The following SARS1 variants were observed in gnomAD, a reference collection of about 807,000 sequenced individuals.
SARS1 encodes seryl-tRNA synthetase 1.
SARS1 carries 25 observed loss-of-function variants against 63.7 expected under a neutral mutation model. The observed-to-expected ratio is 0.39, with a 90% CI of 0.29 to 0.55. SARS1 has a LOEUF of 0.55. Among genes scored for constraint, SARS1 ranks in the 20% least tolerant of loss-of-function variants. The probability of loss-of-function intolerance (pLI) is 0.62; values close to 1 mark genes in which losing one functional copy is unlikely to be tolerated. For missense variants in SARS1, 417 were observed against 649.7 expected, an observed-to-expected ratio of 0.64 and a Z score of 3.89; for synonymous variants, 231 against 243.5, an observed-to-expected ratio of 0.95 and a Z score of 0.48.
intron 1 of SARS1, among the ~76,000 whole-genome samples, chr1:109,218,507 C>G (rs375993324): frequency 1.3e-5 from 2 of 150,250 alleles, no homozygotes; most frequent in South Asian, 2.1e-4. Context: ...TTCAAATGCT[C>G]ATAGTCACAT....
At position 109,216,046 on chromosome 1, in the gene SARS1, A is replaced by C. The variant is rs950570052; in HGVS notation, c.136+1918A>C. The C allele has an allele frequency of 3.1e-5, 31 of 985,190 alleles. No individual in the cohort carries two copies. The African/African-American group carries it at 5.1e-4, about 16-fold the overall frequency. The allele number at this position is 985,190 out of a possible 1,614,324, so 61.0% of individuals were successfully genotyped here. A position where few individuals can be genotyped will look rare whatever the true frequency, so the allele number is the denominator to read the frequency against. On this transcript the variant is annotated intron_variant, in intron 1 of 10. Transcript: ENST00000234677. ...GCATCTATTAATTTGATTCTTTTCT[A>C]TTTGACAACCCTTTCCAATATTCTC...
In SARS1 at chr1:109,214,943, T is replaced by TG. The variant is rs1303810996; in HGVS notation, c.136+817dup. ...CCCATAAATCTCTGCCTGTATTAAC[T>TG]GGAGTGGTCGCTGGTTGGGCGGATG... is the stretch of plus-strand genomic sequence containing the variant. On this transcript the variant is annotated intron_variant, in intron 1 of 10. Transcript: ENST00000234677. This position sits in a 1 kb window ranked among gnomAD's most constrained non-coding sequence, Gnocchi z 4.6. 5 of 985,354 alleles carry TG rather than the reference T, an allele frequency of 5.1e-6. No individual in the cohort carries two copies. The highest frequency in any genetic ancestry group is 6.0e-6 in the Non-Finnish European group (5 of 829,950). 61.0% of individuals were successfully genotyped at this position (985,354 alleles called of 1,614,324 possible).
chr1:109,213,989 G>A lies in SARS1; in HGVS notation c.-4G>A. ...CCCTGAGCGTTGGCCCGGGAGGAAA[G>A]AAGATGGTGCTGGATCTGGATTTGT... On this transcript the variant is annotated 5_prime_UTR_variant, in exon 1 of 11. Coordinates refer to ENST00000234677, the MANE Select transcript of SARS1 (RefSeq NM_006513.4). 1 of 1,609,158 alleles carries A rather than the reference G, an allele frequency of 6.2e-7. No individual in the cohort carries two copies. The highest frequency in any genetic ancestry group is 8.5e-7 in the Non-Finnish European group (1 of 1,177,594).
intron 1 of SARS1, among the ~76,000 whole-genome samples, chr1:109,218,835 C>T (rs1034350108): frequency 6.6e-6 from 1 of 152,130 alleles, no homozygotes; most frequent in South Asian, 2.1e-4. Flanking sequence ...AAATCTCTTA[C>T]AGCATTTATA....
intron 2 of SARS1, among the ~76,000 whole-genome samples, chr1:109,225,143 C>T (rs371487292): frequency 6.6e-6 from 1 of 152,070 alleles, no homozygotes; most frequent in South Asian, 2.1e-4. Flanking sequence ...ATGCACTTTA[C>T]AATCTAGATA....
intron 1 of SARS1, among the ~76,000 whole-genome samples, chr1:109,219,715 A>G (rs549961524): frequency 1.8e-4 from 28 of 152,098 alleles, no homozygotes; most frequent in East Asian, 7.7e-4. Context: ...GGGTTTCACC[A>G]TGTTAGCCAG....
In SARS1 at chr1:109,237,383, C is replaced by G; in HGVS notation, c.1387+10C>G. ...GAGTTCATGCCGCCAGGTAAAACTC[C>G]CAGCTCATCTCATCGTTCTCCTCTT... On this transcript the variant is annotated intron_variant, in intron 10 of 10. Coordinates refer to ENST00000234677, the MANE Select transcript of SARS1 (RefSeq NM_006513.4). The surrounding 1 kb of genome is among the most constrained non-coding windows in gnomAD (Gnocchi z 4.1). The G allele has an allele frequency of 6.2e-7, 1 of 1,614,196 alleles. No individual in the cohort carries two copies. The highest frequency in any genetic ancestry group is 2.2e-5 in the East Asian group (1 of 44,878).
intron 1 of SARS1, among the ~76,000 whole-genome samples, chr1:109,221,036 C>A (rs1360224292): frequency 1.3e-5 from 2 of 150,880 alleles, no homozygotes; most frequent in Non-Finnish European, 2.9e-5. Context: ...ACAGAAAAAC[C>A]CATAGCTAAT....
Position 109,237,731 on chromosome 1 carries a change from G to T in SARS1, c.1388G>T (p.Gly463Val), listed in dbSNP as rs1655344463. The T allele has an allele frequency of 1.2e-6, 2 of 1,613,966 alleles. No homozygotes were observed. Among genetic ancestry groups the T allele is most frequent in the African/African-American group, 1.3e-5 (1 of 74,982 alleles). The change falls in exon 11 of 11, where the codon GGA becomes GTA. Residue 463 changes from glycine (G) to valine (V), a missense_variant and splice_region_variant. Around this residue, in one of 3 missense-constraint regions of SARS1, gnomAD observed 43 missense variants for 68.1 expected, o/e 0.63. Coordinates refer to ENST00000234677, the MANE Select transcript of SARS1 (RefSeq NM_006513.4). This position sits in a 1 kb window ranked among gnomAD's most constrained non-coding sequence, Gnocchi z 4.1. ...PEKLKEFMPP[G>V]LQELIPFVKP... is the part of the protein sequence containing the mutation. ...CATTTGGTTGGCTCTTCCCTCCCAG[G>T]ACTGCAAGAACTGATCCCCTTTGTG...
At chr1:109,224,681 A>C (rs1048452447) in intron 2 of SARS1, among the ~76,000 whole-genome samples, 5 of 152,206 alleles carry the variant, frequency 3.3e-5, no homozygotes, top group African/African-American at 1.2e-4. Flanking sequence ...CATCCAAAAA[A>C]AAAATCCTTC....
chr1:109,217,071 C>T, intron 1 of SARS1: 1 of 985,408 alleles, frequency 1.0e-6, no homozygotes, highest in African/African-American at 1.7e-5. Flanking sequence ...GAATGCAAAT[C>T]TGATCATTTT....
At chr1:109,222,568 A>G (rs1309071750) in intron 1 of SARS1, among the ~76,000 whole-genome samples, 5 of 152,194 alleles carry the variant, frequency 3.3e-5, no homozygotes, top group South Asian at 4.1e-4. Context: ...AGTTTTATCA[A>G]TGTGAATAAG....
rs184919994 is a variant in SARS1, at chr1:109,219,924, T to A, written c.137-4054T>A. 2.8e-3 allele frequency among the ~76,000 whole-genome samples: 427 copies of A among 152,356 alleles called. 5 individuals carry two copies. Among genetic ancestry groups the A allele is most frequent in the Admixed American group, 0.024 (367 of 15,298 alleles). ...ATACTCCATTATGTAAATATGCCAA[T>A]CAATTCTACTAGCATATTTACTGCA... On this transcript the variant is annotated intron_variant, in intron 1 of 10. Coordinates refer to ENST00000234677, the MANE Select transcript of SARS1 (RefSeq NM_006513.4).
In SARS1 at chr1:109,237,255, C is replaced by A. The variant is rs1432709089; in HGVS notation, c.1269C>A (p.Val423=). ...TKKMMDKVEF[V]HMLNATMCAT... ...CCCTGTCTTCCCAGGTGGAGTTTGTCCATATGCTCAATGCTACCATGTGCG... is the reference window on the plus strand; with the variant it reads ...CCCTGTCTTCCCAGGTGGAGTTTGTACATATGCTCAATGCTACCATGTGCG... The change falls in exon 10 of 11, where the codon GTC becomes GTA. Residue 423 remains valine (V), a synonymous_variant. Transcript: ENST00000234677. This position sits in a 1 kb window ranked among gnomAD's most constrained non-coding sequence, Gnocchi z 4.1. The A allele has an allele frequency of 2.7e-5, 43 of 1,612,508 alleles. No homozygotes were observed. The highest frequency in any genetic ancestry group is 3.6e-5 in the Non-Finnish European group (43 of 1,179,560).
At chr1:109,220,231 AC>A (rs1030273403) in intron 1 of SARS1, among the ~76,000 whole-genome samples, 2 of 152,242 alleles carry the variant, frequency 1.3e-5, no homozygotes, top group Admixed American at 1.3e-4. Context: ...TTGGGTATGT[AC>A]CAAGGAGTAG....
Position 109,231,665 on chromosome 1 carries a change from A to C in SARS1, c.626A>C (p.Gln209Pro). 6.3e-7 allele frequency: 1 copy of C among 1,580,822 alleles called. No homozygotes were observed. Among genetic ancestry groups the C allele is most frequent in the Non-Finnish European group, 8.6e-7 (1 of 1,165,554 alleles). ...GTGTTCCTGGAACAGGCTCTCATCC[A>C]GTATGCCCTTCGCACCTTGGGAAGT... Reference protein sequence around the residue: ...VLVFLEQALIQYALRTLGSRG... With the variant: ...VLVFLEQALIPYALRTLGSRG... Residue 209 changes from glutamine to proline, a missense_variant, in exon 6 of 11, where the codon CAG (glutamine) becomes CCG (proline). Around this residue, in one of 3 missense-constraint regions of SARS1, gnomAD observed 359 missense variants for 529.6 expected, o/e 0.68. Transcript: ENST00000234677.
At chr1:109,213,894 G>A, upstream of SARS1, 1 of 1,445,800 alleles carries the variant, frequency 6.9e-7, no homozygotes, top group South Asian at 1.4e-5. Flanking sequence ...CGCCTGCGCA[G>A]GAAGGGCGGG....
chr1:109,220,780 A>T (rs1654909070), intron 1 of SARS1, among the ~76,000 whole-genome samples: 1 of 152,180 alleles, frequency 6.6e-6, no homozygotes, highest in South Asian at 2.1e-4. Flanking sequence ...GATAAATCAC[A>T]GAATTTGTAT....
chr1:109,237,146 G>T lies in SARS1; in HGVS notation c.1258-98G>T, dbSNP rs1655327378. 6.6e-7 allele frequency: 1 copy of T among 1,509,150 alleles called. No homozygotes were observed. Among genetic ancestry groups the T allele is most frequent in the Admixed American group, 2.2e-5 (1 of 44,636 alleles). 93.5% of individuals were successfully genotyped at this position (1,509,150 alleles called of 1,614,324 possible). Reference sequence around the variant, plus strand: ...ACCCATCATTTTGATTTGGACAGTTGTGGTTGGGGAAGTCTGGTTGAATGG... The same window carrying T: ...ACCCATCATTTTGATTTGGACAGTTTTGGTTGGGGAAGTCTGGTTGAATGG... On this transcript the variant is annotated intron_variant, in intron 9 of 10. Coordinates refer to ENST00000234677, the MANE Select transcript of SARS1 (RefSeq NM_006513.4). The surrounding 1 kb of genome is among the most constrained non-coding windows in gnomAD (Gnocchi z 4.1).
Sources: allele counts gnomAD v4.1 joint callset (sites outside exome capture counted in the v4.1 genomes callset), GRCh38; gene constraint gnomAD v4.1.1; regional missense constraint gnomAD v4.1.1; non-coding constraint Gnocchi (gnomAD v3.1); transcripts MANE v1.5; gene names NCBI Gene and HGNC (gene_info 2026-07-23, HGNC 2026-07-21).